Variants in MYO1H observed in about 807,000 individuals in gnomAD.
The protein encoded by MYO1H is unconventional myosin-Ih.
In MYO1H, 118 loss-of-function variants were observed where a neutral mutation model predicts 149.3. That is an observed-to-expected ratio of 0.79 (90% CI 0.68 to 0.92). The LOEUF is 0.92. MYO1H is among the 40% of genes least tolerant of loss of function. The probability of loss-of-function intolerance (pLI) is 0.00; values close to 1 mark genes in which losing one functional copy is unlikely to be tolerated. For missense variants in MYO1H, 1,212 were observed against 1,280.7 expected, an observed-to-expected ratio of 0.95 and a Z score of 0.82; for synonymous variants, 447 against 465.2, an observed-to-expected ratio of 0.96 and a Z score of 0.50.
chr12:109,441,576 G>A (rs771983586), intron 25 of MYO1H, 39 bp from the exon 26 acceptor site: 98 of 1,443,960 alleles, frequency 6.8e-5, no homozygotes, highest in Admixed American at 4.0e-4. Flanking sequence ...AAAGAAGCCT[G>A]TGGCTACCAT....
intron 15 of MYO1H, among the ~76,000 whole-genome samples, chr12:109,418,734 C>T (rs1190767545): frequency 5.9e-5 from 9 of 151,918 alleles, no homozygotes; most frequent in Non-Finnish European, 7.4e-5. Context: ...TTAGTAGAGA[C>T]GGGGTTTCAC....
At chr12:109,389,760 A>G (rs1869560111) in intron 2 of MYO1H, among the ~76,000 whole-genome samples, 1 of 152,044 alleles carries the variant, frequency 6.6e-6, no homozygotes, top group Non-Finnish European at 1.5e-5. Context: ...ATTTTTTGAG[A>G]TTTTATTAGC....
At chr12:109,442,077 C>T (rs1484932789) in intron 26 of MYO1H, 140 bp from the exon 27 acceptor site, 3 of 713,288 alleles carry the variant, frequency 4.2e-6, no homozygotes, top group East Asian at 2.7e-5. Flanking sequence ...AGATGCTCAA[C>T]TCTGCAGCAT....
the MYO1H span, among the ~76,000 whole-genome samples, chr12:109,337,581 CATCAGATCTAGTGAGACTTATTCACT>C: frequency 6.6e-6 from 1 of 152,120 alleles, no homozygotes; most frequent in African/African-American, 2.4e-5. Flanking sequence ...TTTATAAAAC[CATCAGATCTAGTGAGACTTATTCACT>C]ATCACAAGAA....
the MYO1H span, among the ~76,000 whole-genome samples, chr12:109,331,546 C>G: frequency 3.9e-5 from 6 of 152,238 alleles, no homozygotes; most frequent in South Asian, 2.1e-4. Flanking sequence ...CTGGGCCCTC[C>G]TCGGAGCCAA....
the MYO1H span, among the ~76,000 whole-genome samples, chr12:109,322,777 G>A: frequency 3.9e-3 from 536 of 136,376 alleles, 7 homozygotes; most frequent in African/African-American, 0.014. Context: ...CCAATATCAC[G>A]CCACTGTACT....
At chr12:109,445,382 A>G in intron 30 of MYO1H, 131 bp from the exon 31 acceptor site, 2 of 716,976 alleles carry the variant, frequency 2.8e-6, no homozygotes, top group South Asian at 2.1e-5. Context: ...AATATGCAAT[A>G]AAACACTGTA....
intron 1 of MYO1H, among the ~76,000 whole-genome samples, chr12:109,376,079 A>G (rs372803960): frequency 8.5e-5 from 13 of 152,178 alleles, no homozygotes; most frequent in African/African-American, 2.7e-4. Flanking sequence ...TGCCTTTCAC[A>G]TTTAGATTTT....
At chr12:109,409,768 C>T (rs1306986149) in intron 11 of MYO1H, 144 bp downstream of exon 11, 1 of 784,952 alleles carries the variant, frequency 1.3e-6, no homozygotes, top group Non-Finnish European at 2.1e-6. Flanking sequence ...ACTCACAGAC[C>T]ATCCTAGATG....
At chr12:109,370,503 A>G (rs568688775) in intron 1 of MYO1H, among the ~76,000 whole-genome samples, 1 of 152,212 alleles carries the variant, frequency 6.6e-6, no homozygotes, top group African/African-American at 2.4e-5. Flanking sequence ...GGAAAATACC[A>G]TCTGGCTATG....
At chr12:109,342,873 C>T in the MYO1H span, among the ~76,000 whole-genome samples, 1 of 151,872 alleles carries the variant, frequency 6.6e-6, no homozygotes, top group Non-Finnish European at 1.5e-5. Flanking sequence ...GGTGGTTAGG[C>T]TAATTCTGCC....
the MYO1H span, among the ~76,000 whole-genome samples, chr12:109,318,972 G>GT: frequency 0.015 from 1,121 of 77,270 alleles, 27 homozygotes; most frequent in East Asian, 0.062. Context: ...TTTTGGTTTT[G>GT]TTTTTTTTTT....
chr12:109,439,617 AT>A lies in MYO1H; in HGVS notation c.2295-10del. ...AAATGGTCCAGAAAAGTAAGAAAAC[AT>A]TTTCCTTTTTAGGTTCATTAAAGGA... On this transcript the variant is annotated splice_polypyrimidine_tract_variant and intron_variant, in intron 23 of 31. Coordinates refer to ENST00000310903, the Ensembl canonical transcript of MYO1H. The A allele has an allele frequency of 1.2e-6, 2 of 1,602,270 alleles. No homozygotes were observed. Among genetic ancestry groups the A allele is most frequent in the Non-Finnish European group, 8.5e-7 (1 of 1,172,468 alleles).
chr12:109,441,809 G>A, intron 26 of MYO1H, 101 bp downstream of exon 26: 1 of 745,660 alleles, frequency 1.3e-6, no homozygotes. Flanking sequence ...CACTTTGGGA[G>A]GCCGAGGTGG....
At chr12:109,350,131 G>A (rs10850065) in intron 1 of MYO1H, among the ~76,000 whole-genome samples, 39,243 of 151,854 alleles carry the variant, frequency 0.26, 5,560 homozygotes, top group Middle Eastern at 0.34. Context: ...CATTTGCTTC[G>A]TGCCGTTGAT....
At chr12:109,384,282 T>C (rs1379431679) in intron 1 of MYO1H, among the ~76,000 whole-genome samples, 1 of 152,256 alleles carries the variant, frequency 6.6e-6, no homozygotes, top group Non-Finnish European at 1.5e-5. Flanking sequence ...ACCATGGTTA[T>C]GCACAGTTAG....
the MYO1H span, among the ~76,000 whole-genome samples, chr12:109,315,867 C>G: frequency 6.6e-6 from 1 of 152,196 alleles, no homozygotes; most frequent in African/African-American, 2.4e-5. Flanking sequence ...GTAGCTAATA[C>G]AAAGAATGAG....
intron 15 of MYO1H, 28 bp downstream of exon 15, chr12:109,415,648 GC>G: frequency 6.6e-7 from 1 of 1,518,862 alleles, no homozygotes; most frequent in Non-Finnish European, 8.9e-7. Flanking sequence ...ACAGGTGACA[GC>G]CATGTATGTG....
At chr12:109,390,302 C>T (rs920806439) in intron 2 of MYO1H, among the ~76,000 whole-genome samples, 1 of 149,994 alleles carries the variant, frequency 6.7e-6, no homozygotes, top group African/African-American at 2.5e-5. Flanking sequence ...CAGCCTCCCA[C>T]GTAGCTGGGA....
Sources: allele counts gnomAD v4.1 joint callset (sites outside exome capture counted in the v4.1 genomes callset), GRCh38; gene constraint gnomAD v4.1.1; transcripts MANE v1.5; gene names NCBI Gene and HGNC (gene_info 2026-07-23, HGNC 2026-07-21).